The following XIRP2 variants were observed in gnomAD, a reference collection of about 807,000 sequenced individuals.
XIRP2 encodes the protein xin actin-binding repeat-containing protein 2.
A neutral mutation model predicts 277.0 loss-of-function variants in XIRP2; 236 were observed. The ratio of observed to expected loss-of-function variants is 0.85; its 90% CI spans 0.77 to 0.95. XIRP2 has a LOEUF of 0.95. XIRP2 is among the 40% of genes least tolerant of loss of function. The pLI is 0.00. For synonymous variants in XIRP2, 1,490 were observed against 1,416.5 expected, an observed-to-expected ratio of 1.05 and a Z score of -1.17; for missense variants, 4,640 against 4,157.5, an observed-to-expected ratio of 1.12 and a Z score of -3.19.
At chr2:166,966,725 G>T (rs1170742377) in intron 2 of XIRP2, among the ~76,000 whole-genome samples, 2 of 151,944 alleles carry the variant, frequency 1.3e-5, no homozygotes, top group Non-Finnish European at 2.9e-5. Context: ...TTTGAATCAT[G>T]ACATGGATAA....
chr2:167,137,364 C>A (rs187719077), intron 3 of XIRP2, among the ~76,000 whole-genome samples: 1 of 152,100 alleles, frequency 6.6e-6, no homozygotes, highest in African/African-American at 2.4e-5. Context: ...ATATTTCTGG[C>A]CTGTGATTAA....
intron 2 of XIRP2, among the ~76,000 whole-genome samples, chr2:166,916,667 G>C (rs1684889909): frequency 6.6e-6 from 1 of 152,130 alleles, no homozygotes; most frequent in African/African-American, 2.4e-5. Context: ...TTATAGAGCT[G>C]AAATGTACAG....
chr2:167,115,472 T>C lies in XIRP2; in HGVS notation c.409-20437T>C, dbSNP rs543125260. 7.2e-5 allele frequency among the ~76,000 whole-genome samples: 11 copies of C among 152,322 alleles called. No homozygotes were observed. The South Asian group carries it at 2.3e-3, about 32-fold the overall frequency. On this transcript the variant is annotated intron_variant, in intron 2 of 10. Transcript: ENST00000409195. ...GTCCTTGTGCTTTCTTTCTCATTTG[T>C]GTGGGCTGATATTCCTTCAGTCTTT...
In XIRP2 at chr2:167,242,965, G is replaced by A; in HGVS notation, c.1573G>A (p.Val525Ile). The change falls in exon 9 of 11, where the codon GTT (valine) becomes ATT (isoleucine). Residue 525 changes from valine to isoleucine, a missense_variant. Transcript: ENST00000409195. ...KDYISEVSEI[V>I]SSQMNSGSSV... ...TTATATCAGTGAAGTTTCTGAGATTGTTTCTAGTCAAATGAACTCAGGGAG... is the reference window on the plus strand; with the variant it reads ...TTATATCAGTGAAGTTTCTGAGATTATTTCTAGTCAAATGAACTCAGGGAG... The A allele has an allele frequency of 6.2e-7, 1 of 1,613,880 alleles. No homozygotes were observed. The highest frequency in any genetic ancestry group is 1.1e-5 in the South Asian group (1 of 91,060).
chr2:166,926,044 A>C (rs1446654349), intron 2 of XIRP2, among the ~76,000 whole-genome samples: 1 of 152,046 alleles, frequency 6.6e-6, no homozygotes, highest in Non-Finnish European at 1.5e-5. Context: ...ACTGTACTGC[A>C]GCCTCAGCGA....
Position 167,248,560 on chromosome 2 carries a change from G to T in XIRP2, c.7168G>T (p.Gly2390Ter), listed in dbSNP as rs774609679. 1 of 1,613,632 alleles carries T rather than the reference G, an allele frequency of 6.2e-7. No homozygotes were observed. Among genetic ancestry groups the T allele is most frequent in the Admixed American group, 1.7e-5 (1 of 59,950 alleles). ...LSSSAPEKHS[G>*]DFMQQYSQKE... ...CTCCTCTGCTCCGGAAAAGCACAGT[G>T]GAGACTTCATGCAACAATATTCCCA... is the stretch of plus-strand genomic sequence containing the variant. Residue 2390 changes from glycine (G) to a stop codon, truncating the protein, a stop_gained, in exon 9 of 11, where the codon GGA becomes TGA. Coordinates refer to ENST00000409195, the MANE Select transcript of XIRP2 (RefSeq NM_152381.6). LOFTEE classifies it high-confidence loss of function.
chr2:167,005,241 C>G (rs1169204368), intron 2 of XIRP2, among the ~76,000 whole-genome samples: 4 of 151,870 alleles, frequency 2.6e-5, no homozygotes, highest in Non-Finnish European at 5.9e-5. Flanking sequence ...ACTCTTCCCA[C>G]TTACTCTTCA....
chr2:167,179,979 T>C (rs1692969432), intron 3 of XIRP2, among the ~76,000 whole-genome samples: 1 of 152,214 alleles, frequency 6.6e-6, no homozygotes, highest in African/African-American at 2.4e-5. Context: ...AATATGCCTC[T>C]ATATTCTTCA....
intron 2 of XIRP2, among the ~76,000 whole-genome samples, chr2:166,948,303 G>A (rs540877751): frequency 6.6e-6 from 1 of 152,100 alleles, no homozygotes; most frequent in Non-Finnish European, 1.5e-5. Context: ...GAGCAGGGCT[G>A]TGTATGTGTG....
intron 4 of XIRP2, among the ~76,000 whole-genome samples, chr2:167,214,636 G>A (rs1056649398): frequency 8.6e-5 from 13 of 151,918 alleles, no homozygotes; most frequent in South Asian, 2.1e-4. Context: ...GCACAATCTC[G>A]GCTCACTGCA....
chr2:167,148,227 T>C (rs112224531), intron 3 of XIRP2, among the ~76,000 whole-genome samples: 15,080 of 150,888 alleles, frequency 0.1, 822 homozygotes, highest in South Asian at 0.15. Flanking sequence ...AATAAAAATA[T>C]AAATATTTGC....
At chr2:167,223,860 G>A (rs1366484623) in intron 5 of XIRP2, among the ~76,000 whole-genome samples, 1 of 152,160 alleles carries the variant, frequency 6.6e-6, no homozygotes, top group Non-Finnish European at 1.5e-5. Context: ...GCAATCTGGA[G>A]TAGTAATTGG....
In XIRP2 at chr2:166,903,899, C is replaced by A. The variant is rs1684450932; in HGVS notation, c.408+9C>A. On this transcript the variant is annotated intron_variant, in intron 2 of 10. Transcript: ENST00000409195. ...CTGAGTACGGTGGAAAGGTAAGGAG[C>A]CATTGATTGAGAGTCTATGTTTACA... 6.2e-7 allele frequency: 1 copy of A among 1,606,496 alleles called. No homozygotes were observed. The highest frequency in any genetic ancestry group is 1.3e-5 in the African/African-American group (1 of 74,704).
intron 2 of XIRP2, among the ~76,000 whole-genome samples, chr2:167,093,182 A>G (rs1201264044): frequency 1.3e-5 from 2 of 151,924 alleles, no homozygotes; most frequent in East Asian, 3.9e-4. Context: ...CAATATAATG[A>G]TAGAACATAA....
intron 2 of XIRP2, among the ~76,000 whole-genome samples, chr2:167,085,567 T>G (rs2105267776): frequency 6.6e-6 from 1 of 152,278 alleles, no homozygotes; most frequent in Admixed American, 6.5e-5. Flanking sequence ...ATTATTAATA[T>G]GTGTGAGTCT....
intron 2 of XIRP2, among the ~76,000 whole-genome samples, chr2:166,936,818 T>A (rs934843363): frequency 6.6e-6 from 1 of 152,300 alleles, no homozygotes; most frequent in East Asian, 1.9e-4. Flanking sequence ...TACTGTAGCC[T>A]TGTAGTATGG....
chr2:167,142,749 G>A (rs1004845444), intron 3 of XIRP2, among the ~76,000 whole-genome samples: 2 of 152,032 alleles, frequency 1.3e-5, no homozygotes, highest in Non-Finnish European at 2.9e-5. Context: ...AAATAAAGAC[G>A]TTAGAAGTTC....
In XIRP2 at chr2:167,009,892, A is replaced by G. The variant is rs535673550; in HGVS notation, c.408+106002A>G. Among the ~76,000 whole-genome samples the G allele has an allele frequency of 6.0e-3, 905 of 151,542 alleles. 7 individuals carry two copies. Among genetic ancestry groups the G allele is most frequent in the Non-Finnish European group, 9.7e-3 (655 of 67,786 alleles). ...TGAGAAGTGTCTGTTCATTTCCTTC[A>G]CCCACTTTTTGATGGGGTTCTTTGT... is the stretch of plus-strand genomic sequence containing the variant. On this transcript the variant is annotated intron_variant, in intron 2 of 10. Coordinates refer to ENST00000409195, the MANE Select transcript of XIRP2 (RefSeq NM_152381.6).
chr2:166,936,039 G>A (rs574762708), intron 2 of XIRP2, among the ~76,000 whole-genome samples: 1 of 152,262 alleles, frequency 6.6e-6, no homozygotes, highest in East Asian at 1.9e-4. Flanking sequence ...CAGTGTAAAA[G>A]TGTTCCTATT....
Sources: allele counts gnomAD v4.1 joint callset (sites outside exome capture counted in the v4.1 genomes callset), GRCh38; gene constraint gnomAD v4.1.1; transcripts MANE v1.5; gene names NCBI Gene and HGNC (gene_info 2026-07-23, HGNC 2026-07-21).